Variants in GSDMD observed in about 807,000 individuals in gnomAD.
The protein encoded by GSDMD is gasdermin D.
A neutral mutation model predicts 46.7 loss-of-function variants in GSDMD; 46 were observed. The ratio of observed to expected loss-of-function variants is 0.99; its 90% confidence interval spans 0.78 to 1.26. The LOEUF is 1.26. GSDMD is among the 50% of genes most tolerant of loss of function. GSDMD has a pLI of 0.00. For synonymous variants in GSDMD, 307 were observed against 283.1 expected, an observed-to-expected ratio of 1.08 and a Z score of -0.85; for missense variants, 649 against 638.8, an observed-to-expected ratio of 1.02 and a Z score of -0.17.
upstream of GSDMD, chr8:143,557,836 C>T: frequency 2.9e-6 from 1 of 346,266 alleles, no homozygotes; most frequent in East Asian, 9.1e-5. Context: ...GCAATTTCTA[C>T]ATTTTGTACA....
At chr8:143,557,519 G>T (rs953466480), upstream of GSDMD, among the ~76,000 whole-genome samples, 9 of 152,184 alleles carry the variant, frequency 5.9e-5, no homozygotes, top group Non-Finnish European at 1.2e-4. Context: ...GGATGCTGCC[G>T]TGAACTTTGG....
Position 143,560,621 on chromosome 8 carries a change from A to G in GSDMD, c.429A>G (p.Glu143=), listed in dbSNP as rs144407789. 794 of 1,587,856 alleles carry G rather than the reference A, an allele frequency of 5.0e-4. No individual in the cohort carries two copies. The highest frequency in any genetic ancestry group is 6.6e-4 in the Non-Finnish European group (768 of 1,167,676). ...GACACAGGCACCTGCGGCAGCCAGAACACAAAGTCCTGCAGCAGCTGCGCA... is the reference window on the plus strand; with the variant it reads ...GACACAGGCACCTGCGGCAGCCAGAGCACAAAGTCCTGCAGCAGCTGCGCA... ...LLHERHLRQP[E]HKVLQQLRSR... Residue 143 remains glutamate, a synonymous_variant, in exon 4 of 11, where the codon GAA becomes GAG. Coordinates refer to ENST00000262580, the MANE Select transcript of GSDMD (RefSeq NM_024736.7).
In GSDMD at chr8:143,562,127, A is replaced by C. The variant is rs1367735499; in HGVS notation, c.992A>C (p.Glu331Ala). The change falls in exon 8 of 11, where the codon GAG becomes GCG. Residue 331 changes from glutamate (E) to alanine (A), a missense_variant. Glu to Ala is a moderately radical substitution (Grantham distance 107). Transcript: ENST00000262580. Reference protein sequence around the residue: ...RDQLALRALEEALEQGQSLGP... With the variant: ...RDQLALRALEAALEQGQSLGP... Reference sequence around the variant, plus strand: ...CAGCTGGCCCTGCGAGCCTTGGAGGAGGCGGTGAGCGGGGGAGGGTGCCCG... The same window carrying C: ...CAGCTGGCCCTGCGAGCCTTGGAGGCGGCGGTGAGCGGGGGAGGGTGCCCG... 1.1e-5 allele frequency: 18 copies of C among 1,597,982 alleles called. No homozygotes were observed. The highest frequency in any genetic ancestry group is 5.0e-5 in the Admixed American group (3 of 59,848).
At chr8:143,558,563 G>A (rs2130563737) in intron 1 of GSDMD, 112 bp downstream of exon 1, 3 of 1,104,916 alleles carry the variant, frequency 2.7e-6, no homozygotes, top group East Asian at 3.2e-5. Context: ...TCGCCCAGAA[G>A]GCCCCGCGCC....
At position 143,559,443 on chromosome 8, in the gene GSDMD, C is replaced by G. The variant is rs190370736; in HGVS notation, c.108C>G (p.Pro36=). 3.5e-5 allele frequency: 57 copies of G among 1,612,922 alleles called. No individual in the cohort carries two copies. Among genetic ancestry groups the G allele is most frequent in the Non-Finnish European group, 4.6e-5 (54 of 1,179,968 alleles). ...TGCAGAGCTCCACTGGCTTCCAGCC[C>G]TACTGCCTGGTGGTTAGGAAGCCCT... The part of the protein sequence containing the change: ...TSLQSSTGFQ[P]YCLVVRKPSS... Residue 36 remains proline, a synonymous_variant, in exon 2 of 11, where the codon CCC becomes CCG. Coordinates refer to ENST00000262580, the MANE Select transcript of GSDMD (RefSeq NM_024736.7).
Position 143,561,419 on chromosome 8 carries a change from G to A in GSDMD, c.732G>A (p.Ala244=), listed in dbSNP as rs767128474. 58 of 1,611,138 alleles carry A rather than the reference G, an allele frequency of 3.6e-5. 1 individual carries two copies. Among genetic ancestry groups the A allele is most frequent in the South Asian group, 3.4e-4 (31 of 90,806 alleles). The change falls in exon 6 of 11, where the codon GCG becomes GCA. Residue 244 remains alanine (A), a synonymous_variant. Coordinates refer to ENST00000262580, the MANE Select transcript of GSDMD (RefSeq NM_024736.7). ...AGCAGAGGACCTTCCAGCCACCCGCGACAGGTGAGAGCCGAGAGCCCCCAG... is the reference window on the plus strand; with the variant it reads ...AGCAGAGGACCTTCCAGCCACCCGCAACAGGTGAGAGCCGAGAGCCCCCAG... ...DKKQRTFQPP[A]TGHKRSTSEG... is the part of the protein sequence containing the mutation.
intron 4 of GSDMD, 89 bp downstream of exon 4, chr8:143,560,860 C>A: frequency 7.0e-7 from 1 of 1,430,480 alleles, no homozygotes; most frequent in South Asian, 1.4e-5. Flanking sequence ...TCCGCCAAGG[C>A]CCCTCGGAGC....
chr8:143,553,818 G>C (rs959450667), upstream of GSDMD: 2 of 147,008 alleles, frequency 1.4e-5, no homozygotes, highest in African/African-American at 2.4e-5. Context: ...TTGCTCAGCC[G>C]TCCGGGCCCT....
In GSDMD at chr8:143,559,014, T is replaced by C. The variant is rs577439045; in HGVS notation, c.-4-318T>C. On this transcript the variant is annotated intron_variant, in intron 1 of 10. Coordinates refer to ENST00000262580, the MANE Select transcript of GSDMD (RefSeq NM_024736.7). ...GCACCACGCTCAGGAGGTGACAGCT[T>C]GTTTCCTCCCAGCCAGAGGCAGCCA... 23 of 425,896 alleles carry C rather than the reference T, an allele frequency of 5.4e-5. No individual in the cohort carries two copies. The Admixed American group carries it at 6.6e-4, about 12-fold the overall frequency. 26.4% of individuals were successfully genotyped at this position (425,896 alleles called of 1,614,324 possible).
chr8:143,558,141 G>A (rs908919912), upstream of GSDMD: 8 of 581,980 alleles, frequency 1.4e-5, no homozygotes, highest in African/African-American at 5.9e-5. Context: ...TGATCCGCCC[G>A]GGCACAGGCT....
At position 143,558,442 on chromosome 8, in the gene GSDMD, G is replaced by C; in HGVS notation, c.-14G>C. On this transcript the variant is annotated 5_prime_UTR_variant, in exon 1 of 11. Transcript: ENST00000262580. Reference sequence around the variant, plus strand: ...CCAGACGCGCCACCCTCGGGGCGCCGACGGTCACGGTGAGCTGCGCCCCGC... The same window carrying C: ...CCAGACGCGCCACCCTCGGGGCGCCCACGGTCACGGTGAGCTGCGCCCCGC... The C allele has an allele frequency of 1.3e-6, 2 of 1,502,772 alleles. No individual in the cohort carries two copies. The highest frequency in any genetic ancestry group is 1.8e-6 in the Non-Finnish European group (2 of 1,132,412). The allele number at this position is 1,502,772 out of a possible 1,614,324, so 93.1% of individuals were successfully genotyped here.
rs774683461 is a variant in GSDMD, at chr8:143,562,142, G to C, written c.996+11G>C. 1.6e-5 allele frequency: 25 copies of C among 1,598,142 alleles called. No homozygotes were observed. The Middle Eastern group carries it at 1.3e-3, about 86-fold the overall frequency. ...GCCTTGGAGGAGGCGGTGAGCGGGG[G>C]AGGGTGCCCGGGGCACACAAGGCCT... On this transcript the variant is annotated intron_variant, in intron 8 of 10. Transcript: ENST00000262580.
chr8:143,561,503 T>C, intron 6 of GSDMD, 80 bp downstream of exon 6: 1 of 1,414,136 alleles, frequency 7.1e-7, no homozygotes, highest in Non-Finnish European at 9.8e-7. Flanking sequence ...TCTCCTCATG[T>C]TCTCAGGGCA....
chr8:143,559,082 T>A, intron 1 of GSDMD: 1 of 593,876 alleles, frequency 1.7e-6, no homozygotes, highest in South Asian at 2.0e-5. Context: ...GGTCTGGGCG[T>A]CAGGCCTCAC....
In GSDMD at chr8:143,561,949, G is replaced by C; in HGVS notation, c.824-10G>C. ...GCACCTGGGCAGTGCCAGCCCTTCT[G>C]TCCCTACAGATGGGGTCCCTGCGGA... On this transcript the variant is annotated splice_polypyrimidine_tract_variant and intron_variant, in intron 7 of 10. Transcript: ENST00000262580. 6.2e-7 allele frequency: 1 copy of C among 1,608,052 alleles called. No individual in the cohort carries two copies. The highest frequency in any genetic ancestry group is 8.5e-7 in the Non-Finnish European group (1 of 1,177,412).
At chr8:143,557,382 A>C (rs1189063135), upstream of GSDMD, among the ~76,000 whole-genome samples, 15,850 of 109,830 alleles carry the variant, frequency 0.14, 1,968 homozygotes, top group Non-Finnish European at 0.21. Flanking sequence ...GCTATGGCGA[A>C]GGATGATGCC....
At chr8:143,554,866 C>T (rs1823274447), upstream of GSDMD, among the ~76,000 whole-genome samples, 1 of 152,264 alleles carries the variant, frequency 6.6e-6, no homozygotes, top group Non-Finnish European at 1.5e-5. Context: ...ATTCTGGGCC[C>T]ACACCCAGCT....
In GSDMD at chr8:143,563,061, A is replaced by G; in HGVS notation, c.*157A>G. 1 of 792,168 alleles carries G rather than the reference A, an allele frequency of 1.3e-6. No homozygotes were observed. Among genetic ancestry groups the G allele is most frequent in the Non-Finnish European group, 1.9e-6 (1 of 525,840 alleles). 49.1% of individuals were successfully genotyped at this position (792,168 alleles called of 1,614,324 possible). Reference sequence around the variant, plus strand: ...CACAATAAAGGTGGCATACGAAGGAAAGGCTGGTAGCAGAGTTTTTGAGGG... The same window carrying G: ...CACAATAAAGGTGGCATACGAAGGAGAGGCTGGTAGCAGAGTTTTTGAGGG... On this transcript the variant is annotated 3_prime_UTR_variant, in exon 11 of 11. Coordinates refer to ENST00000262580, the MANE Select transcript of GSDMD (RefSeq NM_024736.7).
intron 2 of GSDMD, 55 bp from the exon 3 acceptor site, chr8:143,559,722 G>A: frequency 6.5e-7 from 1 of 1,530,154 alleles, no homozygotes; most frequent in Non-Finnish European, 8.8e-7. Context: ...AGGGCTGGTG[G>A]GGGCGGGGGA....
Sources: allele counts gnomAD v4.1 joint callset (sites outside exome capture counted in the v4.1 genomes callset), GRCh38; gene constraint gnomAD v4.1.1; transcripts MANE v1.5; gene names NCBI Gene and HGNC (gene_info 2026-07-23, HGNC 2026-07-21).